Variants in ADCK5 observed in about 807,000 individuals in gnomAD.
The protein encoded by ADCK5 is aarF domain containing kinase 5.
A neutral mutation model predicts 64.9 loss-of-function variants in ADCK5; 43 were observed. The observed-to-expected ratio is 0.66, with a 90% CI of 0.52 to 0.85. The LOEUF (loss-of-function observed/expected upper bound fraction) is 0.85, where lower values mean the gene tolerates loss of function less well. ADCK5 is among the 40% of genes least tolerant of loss of function. The pLI is 0.00. For synonymous variants in ADCK5, 434 were observed against 342.8 expected (o/e 1.27, Z -2.94); for missense variants, 760 against 810.5 (o/e 0.94, Z 0.76).
rs1554861666 is a variant in ADCK5 at position 144,392,982 on chromosome 8, G to C, written c.1651G>C (p.Ala551Pro). Residue 551 changes from alanine (A) to proline (P), a missense_variant, in exon 15 of 15, where the codon GCC becomes CCC. Ala to Pro is a conservative substitution (Grantham distance 27). Transcript: ENST00000308860. ...TGACCCACGCAGGCTGGAGACCTTGGCCATGCGGCTGACCGCCCTCCTGGC... is the reference window on the plus strand; with the variant it reads ...TGACCCACGCAGGCTGGAGACCTTGCCCATGCGGCTGACCGCCCTCCTGGC... ...FEVALRLETL[A>P]MRLTALLARA... is the part of the protein sequence containing the mutation. 6.3e-7 allele frequency: 1 copy of C among 1,588,708 alleles called. No homozygotes were observed. Among genetic ancestry groups the C allele is most frequent in the East Asian group, 2.3e-5 (1 of 44,008 alleles).
chr8:144,392,942 C>G (rs1554861650), intron 14 of ADCK5, 27 bp from the exon 15 acceptor site: 11 of 1,582,188 alleles, frequency 7.0e-6, no homozygotes, highest in Non-Finnish European at 9.4e-6. Context: ...CCCCACCCAC[C>G]TGTGACCTGT....
At chr8:144,389,061 C>T (rs185362860) in intron 3 of ADCK5, among the ~76,000 whole-genome samples, 244 of 152,306 alleles carry the variant, frequency 1.6e-3, no homozygotes, top group African/African-American at 5.4e-3. Flanking sequence ...CGCTGCCTGG[C>T]GCCTCATTCC....
intron 3 of ADCK5, chr8:144,389,327 C>T: frequency 2.2e-6 from 1 of 456,542 alleles, no homozygotes; most frequent in Non-Finnish European, 4.4e-6. Context: ...TAGTGGACCT[C>T]AGGCTGCAGG....
intron 3 of ADCK5, among the ~76,000 whole-genome samples, chr8:144,388,321 C>T (rs1207588894): frequency 1.3e-5 from 2 of 148,444 alleles, no homozygotes; most frequent in Non-Finnish European, 3.0e-5. Flanking sequence ...TGTGCCACTG[C>T]ACTCCAGTCT....
At chr8:144,387,308 G>C (rs1257226949) in intron 3 of ADCK5, among the ~76,000 whole-genome samples, 4 of 152,152 alleles carry the variant, frequency 2.6e-5, no homozygotes, top group Non-Finnish European at 4.4e-5. Context: ...ACATGATTTC[G>C]GTTTCCCCCA....
At position 144,391,963 on chromosome 8, in the gene ADCK5, C is replaced by T; in HGVS notation, c.1037C>T (p.Ala346Val). 6.2e-7 allele frequency: 1 copy of T among 1,612,746 alleles called. No individual in the cohort carries two copies. The highest frequency in any genetic ancestry group is 8.5e-7 in the Non-Finnish European group (1 of 1,179,994). Residue 346 changes from alanine to valine, a missense_variant, in exon 10 of 15, where the codon GCC becomes GTC. By Grantham distance (64) the Ala-to-Val change is moderately conservative (BLOSUM62 0). Transcript: ENST00000308860. ...VHDIAEKLIK[A>V]FAEQIFYTGF... is the part of the protein sequence containing the mutation. ...CAGATAGCAGAAAAGCTCATCAAGG[C>T]CTTTGCTGAGCAGATATTTTACACC... is the stretch of plus-strand genomic sequence containing the variant.
In ADCK5 at chr8:144,393,148, C is replaced by T. The variant is rs1554861795; in HGVS notation, c.*74C>T. The T allele has an allele frequency of 3.5e-6, 5 of 1,413,156 alleles. No individual in the cohort carries two copies. The highest frequency in any genetic ancestry group is 2.9e-5 in the South Asian group (2 of 69,226). 87.5% of individuals were successfully genotyped at this position (1,413,156 alleles called of 1,614,324 possible). On this transcript the variant is annotated 3_prime_UTR_variant, in exon 15 of 15. Coordinates refer to ENST00000308860, the MANE Select transcript of ADCK5 (RefSeq NM_174922.5). ...GAGGTGGCGGGGCTAGAGGTGTAGA[C>T]ACCCCGAGCCCCGTGGGCACTCGCA...
In ADCK5 at chr8:144,379,480, C is replaced by A. The variant is rs782426516; in HGVS notation, c.106C>A (p.Leu36Ile). 4 of 1,602,380 alleles carry A rather than the reference C, an allele frequency of 2.5e-6. No homozygotes were observed. In the Admixed American group the frequency reaches 6.8e-5, roughly 27 times the overall value. The change falls in exon 2 of 15, where the codon CTT becomes ATT. Residue 36 changes from leucine to isoleucine, a missense_variant. Around this residue, in one of 2 missense-constraint regions of ADCK5, gnomAD observed 427 missense variants for 518.4 expected, o/e 0.82. Transcript: ENST00000308860. ...GTTCTTCAGGAGAAACGTCAGGGGCCTTCCTCCAAGGTAACGAGTCCTCCA... is the reference window on the plus strand; with the variant it reads ...GTTCTTCAGGAGAAACGTCAGGGGCATTCCTCCAAGGTAACGAGTCCTCCA... ...AVFFRRNVRG[L>I]PPRFSSPTPL...
In ADCK5 at chr8:144,391,941, A is replaced by G. The variant is rs782683304; in HGVS notation, c.1015A>G (p.Ile339Val). The change falls in exon 10 of 15, where the codon ATA (isoleucine) becomes GTA (valine). Residue 339 changes from isoleucine (I) to valine (V), a missense_variant and splice_region_variant. By Grantham distance (29) the Ile-to-Val change is conservative. Transcript: ENST00000308860. ...ACTGCAATGCCTCTCCTCTCCCCAG[A>G]TAGCAGAAAAGCTCATCAAGGCCTT... ...IRSQGLAVHD[I>V]AEKLIKAFAE... 62 of 1,612,402 alleles carry G rather than the reference A, an allele frequency of 3.8e-5. No homozygotes were observed. The highest frequency in any genetic ancestry group is 4.4e-5 in the South Asian group (4 of 91,080).
In ADCK5 at chr8:144,392,298, G is replaced by A. The variant is rs1416924020; in HGVS notation, c.1220G>A (p.Arg407Gln). 7 of 1,509,514 alleles carry A rather than the reference G, an allele frequency of 4.6e-6. No individual in the cohort carries two copies. The highest frequency in any genetic ancestry group is 1.4e-5 in the African/African-American group (1 of 72,404). The allele number at this position is 1,509,514 out of a possible 1,614,324, so 93.5% of individuals were successfully genotyped here. A position where few individuals can be genotyped will look rare whatever the true frequency, so the allele number is the denominator to read the frequency against. Reference protein sequence around the residue: ...LCQLWRAIILRDDAAMRAHAA... With the variant: ...LCQLWRAIILQDDAAMRAHAA... ...CAGCTGTGGCGGGCCATCATCCTGC[G>A]GGACGACGCCGCCATGAGGGCGCAC... is the stretch of plus-strand genomic sequence containing the variant. Residue 407 changes from arginine (R) to glutamine (Q), a missense_variant, in exon 12 of 15, where the codon CGG (arginine) becomes CAG (glutamine). Physicochemically the swap from Arg to Gln is conservative, Grantham distance 43 (BLOSUM62 1). Transcript: ENST00000308860.
chr8:144,391,844 G>C lies in ADCK5; in HGVS notation c.992G>C (p.Ser331Thr). 6.5e-7 allele frequency: 1 copy of C among 1,530,744 alleles called. No homozygotes were observed. Among genetic ancestry groups the C allele is most frequent in the Non-Finnish European group, 8.8e-7 (1 of 1,141,288 alleles). 94.8% of individuals were successfully genotyped at this position (1,530,744 alleles called of 1,614,324 possible). A position where few individuals can be genotyped will look rare whatever the true frequency, so the allele number is the denominator to read the frequency against. Residue 331 changes from serine (S) to threonine (T), a missense_variant, in exon 9 of 15, where the codon AGC becomes ACC. Physicochemically the swap from Ser to Thr is moderately conservative, Grantham distance 58. This residue lies in a region of ADCK5 where 427 missense variants were observed against 518.4 expected (regional missense o/e 0.82). Transcript: ENST00000308860. ...CKVNDVEAIR[S>T]QGLAVHDIAE... Reference sequence around the variant, plus strand: ...GTCAACGATGTGGAGGCCATCAGGAGCCAGGGGCTGGCAGTGCATGACGTG... The same window carrying C: ...GTCAACGATGTGGAGGCCATCAGGACCCAGGGGCTGGCAGTGCATGACGTG...
At chr8:144,379,077 A>G (rs1009907147) in intron 1 of ADCK5, among the ~76,000 whole-genome samples, 1 of 151,570 alleles carries the variant, frequency 6.6e-6, no homozygotes, top group Non-Finnish European at 1.5e-5. Context: ...GGGATTACGT[A>G]CATGCACCAC....
chr8:144,375,116 C>T (rs1215926903), intron 1 of ADCK5, among the ~76,000 whole-genome samples: 1 of 152,244 alleles, frequency 6.6e-6, no homozygotes, highest in African/African-American at 2.4e-5. Flanking sequence ...GGGAGGTGGC[C>T]TTCAGTGCAG....
intron 1 of ADCK5, chr8:144,375,760 CA>C (rs782418161): frequency 1.9e-4 from 141 of 741,070 alleles, no homozygotes; most frequent in South Asian, 3.6e-4. Context: ...CATAAGAAAG[CA>C]TGAGAGGTTC....
chr8:144,380,652 C>G (rs1306287220), intron 2 of ADCK5, among the ~76,000 whole-genome samples: 1 of 22,212 alleles, frequency 4.5e-5, no homozygotes, highest in African/African-American at 1.9e-4. Flanking sequence ...GCCTGCTGCA[C>G]TCAGGATTAT....
Position 144,391,778 on chromosome 8 carries a change from C to A in ADCK5, c.931-5C>A. ...CTGCTGAGCCCAGCCTCTTGCTCTCCCCAGCGCGTGCTCACTGCCGACTTC... is the reference window on the plus strand; with the variant it reads ...CTGCTGAGCCCAGCCTCTTGCTCTCACCAGCGCGTGCTCACTGCCGACTTC... On this transcript the variant is annotated splice_polypyrimidine_tract_variant and splice_region_variant and intron_variant, in intron 8 of 14. Transcript: ENST00000308860. 6.5e-7 allele frequency: 1 copy of A among 1,546,638 alleles called. No homozygotes were observed. Among genetic ancestry groups the A allele is most frequent in the East Asian group, 2.4e-5 (1 of 42,002 alleles).
In ADCK5 at chr8:144,392,945, T is replaced by G. The variant is rs781990512; in HGVS notation, c.1638-24T>G. ...CGGGGGCCTGCTCCCCACCCACCTG[T>G]GACCTGTGACCTGACCCACGCAGGC... On this transcript the variant is annotated intron_variant, in intron 14 of 14. Transcript: ENST00000308860. The G allele has an allele frequency of 3.2e-6, 5 of 1,583,726 alleles. No individual in the cohort carries two copies. The Admixed American group carries it at 8.9e-5, about 28-fold the overall frequency.
At position 144,392,635 on chromosome 8, in the gene ADCK5, C is replaced by T. The variant is rs782140154; in HGVS notation, c.1458C>T (p.Thr486=). 14 of 1,593,996 alleles carry T rather than the reference C, an allele frequency of 8.8e-6. No homozygotes were observed. Among genetic ancestry groups the T allele is most frequent in the Middle Eastern group, 3.4e-4 (2 of 5,904 alleles). The part of the protein sequence containing the change: ...PMLLVLRNIN[T]VRAINVALGA... ...TGCTGGTGCTGCGCAACATCAACACCGTGCGCGCTATCAACGTGGCCCTCG... is the reference window on the plus strand; with the variant it reads ...TGCTGGTGCTGCGCAACATCAACACTGTGCGCGCTATCAACGTGGCCCTCG... Residue 486 remains threonine, a synonymous_variant, in exon 13 of 15, where the codon ACC becomes ACT. Coordinates refer to ENST00000308860, the MANE Select transcript of ADCK5 (RefSeq NM_174922.5).
intron 2 of ADCK5, among the ~76,000 whole-genome samples, chr8:144,379,946 G>A (rs1819528257): frequency 6.6e-6 from 1 of 152,236 alleles, no homozygotes; most frequent in Non-Finnish European, 1.5e-5. Flanking sequence ...GGCAAGGCAG[G>A]AAGGCCGTGG....
Sources: allele counts gnomAD v4.1 joint callset (sites outside exome capture counted in the v4.1 genomes callset), GRCh38; gene constraint gnomAD v4.1.1; regional missense constraint gnomAD v4.1.1; transcripts MANE v1.5; gene names NCBI Gene and HGNC (gene_info 2026-07-23, HGNC 2026-07-21).